PAX8: variants seen among roughly 807,000 people sequenced by gnomAD.
PAX8 encodes paired box protein Pax-8.
Under a neutral mutation model 52.4 loss-of-function variants are expected in PAX8, and 15 were observed. The observed-to-expected ratio is 0.29, with a 90% CI of 0.19 to 0.44. The LOEUF is 0.44. PAX8 is among the 20% of genes least tolerant of loss of function. PAX8 has a pLI of 1.00. For synonymous variants in PAX8, 284 were observed against 249.7 expected (o/e 1.14, Z -1.29); for missense variants, 554 against 602.5 (o/e 0.92, Z 0.84).
chr2:113,230,506 C>G (rs1689828261), intron 9 of PAX8: 1 of 152,240 alleles, frequency 6.6e-6, no homozygotes, highest in Non-Finnish European at 1.5e-5. Flanking sequence ...TAATCTTCAT[C>G]TCCCCTCAGT....
At chr2:113,264,599 G>C (rs1317583493) in intron 2 of PAX8, among the ~76,000 whole-genome samples, 1 of 152,230 alleles carries the variant, frequency 6.6e-6, no homozygotes, top group Non-Finnish European at 1.5e-5. Context: ...TGTGTAAGGT[G>C]CTGGGGATAG....
rs114138272 is a variant in PAX8 at position 113,249,132 on chromosome 2, C to T, written c.26-2213G>A. Among the ~76,000 whole-genome samples, 1,212 of 152,360 alleles carry T rather than the reference C, an allele frequency of 8.0e-3. 20 individuals are homozygous for T. Among genetic ancestry groups the T allele is most frequent in the African/African-American group, 0.028 (1,147 of 41,584 alleles). On this transcript the variant is annotated intron_variant, in intron 2 of 11. Coordinates refer to ENST00000429538, the MANE Select transcript of PAX8 (RefSeq NM_003466.4). ...GGCACAGCTTCCACCTATGCCTGTC[C>T]AGGCAAGTCTTCCTAGTGACTGCTT... is the stretch of plus-strand genomic sequence containing the variant.
chr2:113,231,562 A>G (rs1558693911), intron 9 of PAX8, among the ~76,000 whole-genome samples: 1 of 152,182 alleles, frequency 6.6e-6, no homozygotes, highest in African/African-American at 2.4e-5. Flanking sequence ...GAGTTGCAGG[A>G]GGCGGCAGCG....
chr2:113,229,612 G>A (rs140306275), intron 9 of PAX8, among the ~76,000 whole-genome samples: 1 of 152,174 alleles, frequency 6.6e-6, no homozygotes, highest in Non-Finnish European at 1.5e-5. Context: ...AGGTCATCAA[G>A]GGAACAAATG....
intron 2 of PAX8, among the ~76,000 whole-genome samples, chr2:113,265,035 A>G (rs912305844): frequency 2.6e-5 from 4 of 152,254 alleles, no homozygotes; most frequent in African/African-American, 9.6e-5. Flanking sequence ...GATTGGATTA[A>G]AAGGAAGTGC....
At chr2:113,240,412 G>A (rs771482035) in intron 7 of PAX8, 10 of 152,232 alleles carry the variant, frequency 6.6e-5, no homozygotes, top group African/African-American at 2.4e-4. Context: ...TGTCCTACTC[G>A]GTTCTTAAAG....
At chr2:113,258,824 C>G (rs72831838) in intron 2 of PAX8, among the ~76,000 whole-genome samples, 1 of 152,044 alleles carries the variant, frequency 6.6e-6, no homozygotes, top group Non-Finnish European at 1.5e-5. Flanking sequence ...GGCCTTTCTC[C>G]GCCTCCCCCA....
chr2:113,242,078 G>T lies in PAX8; in HGVS notation c.531C>A (p.Gly177=). 6.2e-7 allele frequency: 1 copy of T among 1,613,582 alleles called. No individual in the cohort carries two copies. Residue 177 remains glycine, a synonymous_variant, in exon 6 of 12, where the codon GGC becomes GGA. Transcript: ENST00000429538. ...PPESPQSDSL[G]STYSINGLLG... ...GGAGCCCATTGATGGAGTAGGTGGA[G>T]CCCAGGGAATCCGACTGGGGTGACT...
At chr2:113,236,313 A>C in intron 8 of PAX8, 1 of 217,932 alleles carries the variant, frequency 4.6e-6, no homozygotes, top group Non-Finnish European at 8.1e-6. Flanking sequence ...GGCCCGGCCT[A>C]GGACTGGAGG....
intron 11 of PAX8, 30 bp from the exon 12 acceptor site, chr2:113,218,639 C>G: frequency 7.0e-7 from 1 of 1,432,456 alleles, no homozygotes. Flanking sequence ...ATAACAACAA[C>G]ACTGCTGGTC....
At chr2:113,225,413 T>G (rs1689504166) in intron 10 of PAX8, among the ~76,000 whole-genome samples, 1 of 152,224 alleles carries the variant, frequency 6.6e-6, no homozygotes, top group Non-Finnish European at 1.5e-5. Context: ...ACAAAAAAAT[T>G]TCCTTAAGAA....
chr2:113,273,822 A>G (rs1049882068), intron 2 of PAX8: 3 of 152,070 alleles, frequency 2.0e-5, no homozygotes, highest in African/African-American at 7.2e-5. Context: ...TGAGGTTGGT[A>G]TGTGATATTA....
intron 4 of PAX8, among the ~76,000 whole-genome samples, chr2:113,243,083 A>G (rs909266861): frequency 1.6e-4 from 24 of 152,174 alleles, no homozygotes; most frequent in Admixed American, 1.4e-3. Flanking sequence ...AACCTTGCCA[A>G]CGTTGACCCC....
intron 9 of PAX8, among the ~76,000 whole-genome samples, chr2:113,233,281 C>A (rs1412640718): frequency 5.9e-5 from 9 of 151,730 alleles, no homozygotes; most frequent in African/African-American, 2.2e-4. Flanking sequence ...CACTGGATGT[C>A]CCTCTCTTCT....
At chr2:113,278,779 AT>A in intron 1 of PAX8, 51 bp downstream of exon 1, 1 of 892,708 alleles carries the variant, frequency 1.1e-6, no homozygotes, top group Non-Finnish European at 1.4e-6. Flanking sequence ...CCTTTCTTCC[AT>A]CCCCCGTCCT....
chr2:113,237,184 A>G (rs1348460050), intron 7 of PAX8: 2 of 157,894 alleles, frequency 1.3e-5, no homozygotes, highest in African/African-American at 4.8e-5. Flanking sequence ...CAAAGATAGG[A>G]TTCAGATTCG....
intron 2 of PAX8, among the ~76,000 whole-genome samples, chr2:113,262,973 C>G (rs374302745): frequency 2.1e-4 from 32 of 152,198 alleles, no homozygotes; most frequent in African/African-American, 7.0e-4. Flanking sequence ...ATGCACAGAT[C>G]AACAGAGTTT....
chr2:113,278,740 A>G (rs1694004261), intron 1 of PAX8, 91 bp downstream of exon 1: 4 of 678,050 alleles, frequency 5.9e-6, no homozygotes, highest in Non-Finnish European at 8.2e-6. Flanking sequence ...TTGGGAGGGA[A>G]AAGGCTGCCA....
At chr2:113,220,070 C>G (rs1252087409) in intron 11 of PAX8, 22 bp downstream of exon 11, 1 of 1,595,676 alleles carries the variant, frequency 6.3e-7, no homozygotes, top group Non-Finnish European at 8.6e-7. Context: ...CAGCAGAGGC[C>G]TGGGCAGCCC....
Sources: gnomAD v4.1 joint callset for allele counts (sites outside exome capture counted in the v4.1 genomes callset) on GRCh38, gnomAD v4.1.1 for gene constraint, MANE v1.5 for transcripts, NCBI Gene and HGNC (gene_info 2026-07-23, HGNC 2026-07-21) for gene names.